CDC14A: variants seen among roughly 807,000 people sequenced by gnomAD.
The protein encoded by CDC14A is dual specificity protein phosphatase CDC14A.
Under a neutral mutation model 74.4 loss-of-function variants are expected in CDC14A, and 53 were observed. That is an observed-to-expected ratio of 0.71 (90% CI 0.57 to 0.89). The LOEUF is 0.89. Among genes scored for constraint, CDC14A ranks in the 40% least tolerant of loss-of-function variants. The pLI is 0.00. For missense variants in CDC14A, 646 were observed against 713.7 expected (o/e 0.91, Z 1.08); for synonymous variants, 247 against 258.4 (o/e 0.96, Z 0.43).
intron 9 of CDC14A, among the ~76,000 whole-genome samples, chr1:100,463,702 A>G (rs1213628160): frequency 6.6e-6 from 1 of 152,220 alleles, no homozygotes; most frequent in African/African-American, 2.4e-5. Context: ...CTCAGAAAAT[A>G]TGACATGCCA....
intron 5 of CDC14A, among the ~76,000 whole-genome samples, chr1:100,429,477 G>A (rs1301475866): frequency 6.6e-6 from 1 of 150,680 alleles, no homozygotes; most frequent in Non-Finnish European, 1.5e-5. Context: ...ATTTACAGGT[G>A]TTTCTCAAAG....
chr1:100,382,731 A>G (rs1220852311), intron 3 of CDC14A, among the ~76,000 whole-genome samples: 2 of 152,226 alleles, frequency 1.3e-5, no homozygotes, highest in African/African-American at 4.8e-5. Flanking sequence ...GGATTAAAGG[A>G]GTATTCACAG....
intron 11 of CDC14A, among the ~76,000 whole-genome samples, chr1:100,490,079 C>T (rs1670463526): frequency 6.6e-6 from 1 of 152,190 alleles, no homozygotes; most frequent in African/African-American, 2.4e-5. Flanking sequence ...CCCTGGCTAC[C>T]AACTCATGAG....
chr1:100,431,975 A>C (rs1186253469), intron 5 of CDC14A, among the ~76,000 whole-genome samples: 1 of 152,106 alleles, frequency 6.6e-6, no homozygotes, highest in Non-Finnish European at 1.5e-5. Flanking sequence ...TATTCTGCTG[A>C]TTTCAGGTGA....
intron 2 of CDC14A, among the ~76,000 whole-genome samples, chr1:100,355,293 ATC>A (rs1651730792): frequency 6.6e-6 from 1 of 152,174 alleles, no homozygotes; most frequent in Admixed American, 6.5e-5. Flanking sequence ...TGGTGTATAT[ATC>A]ATTATGTTCA....
chr1:100,496,104 G>A (rs1647750015), intron 13 of CDC14A, 55 bp downstream of exon 13: 1 of 1,465,972 alleles, frequency 6.8e-7, no homozygotes, highest in Non-Finnish European at 9.5e-7. Flanking sequence ...CTTCCTTTTA[G>A]CCATGTTTCC....
At chr1:100,362,609 G>C (rs1017369) in intron 2 of CDC14A, among the ~76,000 whole-genome samples, 13,673 of 152,120 alleles carry the variant, frequency 0.09, 2,119 homozygotes, top group African/African-American at 0.31. Flanking sequence ...CATTACTGAA[G>C]CAAAGTAGAG....
chr1:100,388,080 C>T (rs1410634069), intron 3 of CDC14A, among the ~76,000 whole-genome samples: 2 of 152,104 alleles, frequency 1.3e-5, no homozygotes. Context: ...ATTTTCTTCC[C>T]CACAGGTATT....
chr1:100,349,724 C>T (rs926240248), upstream of CDC14A, among the ~76,000 whole-genome samples: 3 of 152,196 alleles, frequency 2.0e-5, no homozygotes, highest in South Asian at 4.1e-4. Flanking sequence ...GGCATAATCA[C>T]GTAATCACAG....
At chr1:100,479,337 G>C (rs1258503930) in intron 10 of CDC14A, among the ~76,000 whole-genome samples, 1 of 152,060 alleles carries the variant, frequency 6.6e-6, no homozygotes, top group Non-Finnish European at 1.5e-5. Flanking sequence ...TGGATGAATT[G>C]TATAGCATGA....
At chr1:100,397,763 T>G (rs1658717557) in intron 4 of CDC14A, among the ~76,000 whole-genome samples, 2 of 152,256 alleles carry the variant, frequency 1.3e-5, no homozygotes, top group African/African-American at 4.8e-5. Flanking sequence ...ACCCACTTGT[T>G]AAGTCTTTGC....
intron 10 of CDC14A, among the ~76,000 whole-genome samples, chr1:100,483,439 C>T (rs939378604): frequency 1.3e-5 from 2 of 152,048 alleles, no homozygotes; most frequent in Admixed American, 6.6e-5. Flanking sequence ...TTACTGGTGG[C>T]GTCTCCTTGA....
intron 2 of CDC14A, among the ~76,000 whole-genome samples, chr1:100,359,617 T>G (rs1176215637): frequency 6.6e-6 from 1 of 152,134 alleles, no homozygotes; most frequent in East Asian, 1.9e-4. Flanking sequence ...GGGTATAATT[T>G]TGCCTTTTTT....
intron 8 of CDC14A, among the ~76,000 whole-genome samples, chr1:100,456,428 T>TC (rs758438288): frequency 0.033 from 4,256 of 127,346 alleles, 175 homozygotes; most frequent in African/African-American, 0.13. Flanking sequence ...GAACAAAATA[T>TC]CCCCCCCCCT....
chr1:100,420,070 A>G (rs11805396), intron 4 of CDC14A, among the ~76,000 whole-genome samples: 1 of 111,938 alleles, frequency 8.9e-6, no homozygotes, highest in Non-Finnish European at 1.9e-5. Context: ...ACACATATAT[A>G]TATATATATA....
intron 2 of CDC14A, among the ~76,000 whole-genome samples, chr1:100,372,348 T>C (rs1041749977): frequency 6.6e-6 from 1 of 152,250 alleles, no homozygotes; most frequent in African/African-American, 2.4e-5. Context: ...AAGATTTCTC[T>C]GTAGCATGAG....
intron 4 of CDC14A, among the ~76,000 whole-genome samples, chr1:100,399,443 A>C (rs760119253): frequency 3.9e-5 from 6 of 152,154 alleles, no homozygotes; most frequent in Non-Finnish European, 5.9e-5. Context: ...GCTATACTTA[A>C]GCAAGTTTAT....
rs535524125 is a variant in CDC14A at position 100,436,102 on chromosome 1, C to T, written c.390-3830C>T. 6.6e-5 allele frequency among the ~76,000 whole-genome samples: 10 copies of T among 152,206 alleles called. No homozygotes were observed. In the East Asian group the frequency reaches 9.7e-4, roughly 15 times the overall value. On this transcript the variant is annotated intron_variant, in intron 5 of 15. Coordinates refer to ENST00000336454, the MANE Select transcript of CDC14A (RefSeq NM_003672.4). ...GTTCAGTAGTCTGCTGTTTTCCTAA[C>T]TCCTGACCTCCATTTCATGTTATAA...
At chr1:100,459,474 T>G (rs1475390856) in intron 8 of CDC14A, among the ~76,000 whole-genome samples, 1 of 152,248 alleles carries the variant, frequency 6.6e-6, no homozygotes, top group African/African-American at 2.4e-5. Flanking sequence ...TTAGCTGGCC[T>G]AATCAACAGA....
Sources: gnomAD v4.1 joint callset for allele counts (sites outside exome capture counted in the v4.1 genomes callset) on GRCh38, gnomAD v4.1.1 for gene constraint, MANE v1.5 for transcripts, NCBI Gene and HGNC (gene_info 2026-07-23, HGNC 2026-07-21) for gene names.